GOLPH3: variants seen among roughly 807,000 people sequenced by gnomAD.
GOLPH3 encodes the protein golgi phosphoprotein 3.
In GOLPH3, 14 loss-of-function variants were observed where a neutral mutation model predicts 28.5. The ratio of observed to expected loss-of-function variants is 0.49; its 90% CI spans 0.32 to 0.77. The LOEUF is 0.77. Ranked by LOEUF, GOLPH3 falls within the 30% of genes least tolerant of loss-of-function variation. The pLI, the probability that GOLPH3 is intolerant of heterozygous loss-of-function variation, is 0.03. For missense variants in GOLPH3, 350 were observed against 393.7 expected (o/e 0.89, Z 0.94); for synonymous variants, 158 against 159.2 (o/e 0.99, Z 0.06).
intron 1 of GOLPH3, among the ~76,000 whole-genome samples, chr5:32,161,177 A>AG (rs796751421): frequency 9.4e-5 from 14 of 149,228 alleles, no homozygotes; most frequent in African/African-American, 3.5e-4. Context: ...ACGAGGAGGG[A>AG]GGATCACTTG....
chr5:32,151,672 C>A (rs997402493), intron 1 of GOLPH3, among the ~76,000 whole-genome samples: 1 of 151,916 alleles, frequency 6.6e-6, no homozygotes, highest in East Asian at 1.9e-4. Flanking sequence ...AAGAAACCCA[C>A]CTAATTCAAA....
intron 1 of GOLPH3, among the ~76,000 whole-genome samples, chr5:32,147,229 CAAA>C (rs902647823): frequency 2.3e-4 from 35 of 150,866 alleles, no homozygotes; most frequent in African/African-American, 8.0e-4. Flanking sequence ...AATCTAAAAG[CAAA>C]AAAAAGGGAA....
chr5:32,129,780 T>C (rs1207535775), intron 3 of GOLPH3, among the ~76,000 whole-genome samples: 1 of 151,512 alleles, frequency 6.6e-6, no homozygotes, highest in African/African-American at 2.4e-5. Flanking sequence ...ACAAAGTACA[T>C]AGGCAGCAGA....
intron 2 of GOLPH3, among the ~76,000 whole-genome samples, chr5:32,136,645 G>C (rs1333794815): frequency 6.6e-6 from 1 of 152,180 alleles, no homozygotes; most frequent in Non-Finnish European, 1.5e-5. Flanking sequence ...TAAGAATTCA[G>C]TACAGGCTGA....
At position 32,161,230 on chromosome 5, in the gene GOLPH3, C is replaced by T. The variant is rs567988070; in HGVS notation, c.225+12580G>A. 4.3e-4 allele frequency among the ~76,000 whole-genome samples: 64 copies of T among 150,570 alleles called. 6 individuals carry two copies. Among genetic ancestry groups the T allele is most frequent in the African/African-American group, 1.4e-3 (57 of 40,170 alleles). ...CCAACTTGGGCAACACAGCAAAACCCCATCTCTACAAAAAATACAAAAAGT... is the reference window on the plus strand; with the variant it reads ...CCAACTTGGGCAACACAGCAAAACCTCATCTCTACAAAAAATACAAAAAGT... On this transcript the variant is annotated intron_variant, in intron 1 of 3. Transcript: ENST00000265070.
At chr5:32,153,135 C>T (rs1049698905) in intron 1 of GOLPH3, among the ~76,000 whole-genome samples, 2 of 152,064 alleles carry the variant, frequency 1.3e-5, no homozygotes, top group African/African-American at 4.8e-5. Context: ...TAATGGAATA[C>T]TACAGAACCA....
rs77271883 is a variant in GOLPH3, at chr5:32,127,443, T to C, written c.473-807A>G. On this transcript the variant is annotated intron_variant, in intron 3 of 3. Coordinates refer to ENST00000265070, the MANE Select transcript of GOLPH3 (RefSeq NM_022130.4). The stretch of plus-strand genomic sequence containing the variant: ...ATCAACCACAGGCATCTTTTTTAAA[T>C]GCAAACGTTGTAAGGTCGAGATTTT... 3.0e-3 allele frequency among the ~76,000 whole-genome samples: 457 copies of C among 152,334 alleles called. 2 individuals carry two copies. The highest frequency in any genetic ancestry group is 0.011 in the African/African-American group (446 of 41,590).
At chr5:32,141,053 C>T (rs1362047853) in intron 2 of GOLPH3, among the ~76,000 whole-genome samples, 3 of 151,346 alleles carry the variant, frequency 2.0e-5, no homozygotes, top group African/African-American at 4.9e-5. Context: ...GTACCAGCTA[C>T]TTGGGAGGCT....
chr5:32,162,074 G>A (rs1746595830), intron 1 of GOLPH3, among the ~76,000 whole-genome samples: 1 of 151,228 alleles, frequency 6.6e-6, no homozygotes, highest in African/African-American at 2.5e-5. Context: ...AAAATCAGAA[G>A]TCAAGTGGTA....
intron 3 of GOLPH3, among the ~76,000 whole-genome samples, chr5:32,127,013 C>G (rs2111831300): frequency 6.6e-6 from 1 of 151,566 alleles, no homozygotes; most frequent in East Asian, 1.9e-4. Context: ...AACTAATAGA[C>G]TAAAAAAAAA....
Position 32,158,018 on chromosome 5 carries a change from TAAAATACAC to T in GOLPH3, c.226-14147_226-14139del, listed in dbSNP as rs1561678568. Reference sequence around the variant, plus strand: ...ATAAATAAATAAATAAATAAATAAATAAAATACACACACACACACACACACACACACACA... The same window carrying T: ...ATAAATAAATAAATAAATAAATAAATACACACACACACACACACACACACA... On this transcript the variant is annotated intron_variant, in intron 1 of 3. Coordinates refer to ENST00000265070, the MANE Select transcript of GOLPH3 (RefSeq NM_022130.4). Among the ~76,000 whole-genome samples the T allele has an allele frequency of 2.9e-3, 78 of 26,976 alleles. 8 individuals are homozygous for T. Among genetic ancestry groups the T allele is most frequent in the African/African-American group, 0.01 (76 of 7,306 alleles). 17.7% of individuals were successfully genotyped at this position (26,976 alleles called of 152,430 possible). A position where few individuals can be genotyped will look rare whatever the true frequency, so the allele number is the denominator to read the frequency against.
chr5:32,127,115 T>G (rs1745699423), intron 3 of GOLPH3, among the ~76,000 whole-genome samples: 1 of 152,222 alleles, frequency 6.6e-6, no homozygotes. Flanking sequence ...TATTATTTGA[T>G]AACAATATAA....
chr5:32,166,021 C>T (rs926522149), intron 1 of GOLPH3, among the ~76,000 whole-genome samples: 29 of 152,194 alleles, frequency 1.9e-4, no homozygotes, highest in Non-Finnish European at 4.1e-4. Flanking sequence ...TTTTAACCTT[C>T]CTGATTCACT....
intron 2 of GOLPH3, among the ~76,000 whole-genome samples, chr5:32,143,158 C>G (rs1746119007): frequency 6.6e-6 from 1 of 152,136 alleles, no homozygotes; most frequent in African/African-American, 2.4e-5. Flanking sequence ...TAAACCCAAC[C>G]CTGTGCTCTC....
chr5:32,126,269 A>G lies in GOLPH3; in HGVS notation c.840T>C (p.Cys280=). The G allele has an allele frequency of 6.2e-7, 1 of 1,614,150 alleles. No homozygotes were observed. Among genetic ancestry groups the G allele is most frequent in the Non-Finnish European group, 8.5e-7 (1 of 1,180,030 alleles). ...GAACCTCATTGGTGTTGGCCTTCAG[A>G]CATTCCACTTCAGGGTCTAAGTCGA... ...QLLDLDPEVE[C]LKANTNEVLW... Residue 280 remains cysteine (C), a synonymous_variant, in exon 4 of 4, where the codon TGT becomes TGC. Coordinates refer to ENST00000265070, the MANE Select transcript of GOLPH3 (RefSeq NM_022130.4).
intron 1 of GOLPH3, among the ~76,000 whole-genome samples, chr5:32,154,955 C>T (rs533136750): frequency 6.6e-6 from 1 of 152,064 alleles, no homozygotes; most frequent in Non-Finnish European, 1.5e-5. Flanking sequence ...TGGTGGCATG[C>T]GCCTGTAATC....
intron 1 of GOLPH3, among the ~76,000 whole-genome samples, chr5:32,173,146 A>G (rs1292908604): frequency 6.6e-6 from 1 of 152,292 alleles, no homozygotes; most frequent in Middle Eastern, 3.4e-3. Flanking sequence ...CAAGACTTTG[A>G]GATTCATCAA....
At position 32,174,118 on chromosome 5, in the gene GOLPH3, C is replaced by T. The variant is rs1561692449; in HGVS notation, c.-84G>A. ...TCCTCCTCCCCGCGCGGCCTCCGAT[C>T]CGGGTTTCCGTGTTAAATCCGGACG... On this transcript the variant is annotated 5_prime_UTR_variant, in exon 1 of 4. Coordinates refer to ENST00000265070, the MANE Select transcript of GOLPH3 (RefSeq NM_022130.4). 3 of 973,994 alleles carry T rather than the reference C, an allele frequency of 3.1e-6. No homozygotes were observed. Among genetic ancestry groups the T allele is most frequent in the East Asian group, 6.9e-5 (2 of 29,080 alleles). 60.3% of individuals were successfully genotyped at this position (973,994 alleles called of 1,614,324 possible).
At chr5:32,136,116 A>C (rs1745926384) in intron 2 of GOLPH3, among the ~76,000 whole-genome samples, 1 of 152,220 alleles carries the variant, frequency 6.6e-6, no homozygotes, top group African/African-American at 2.4e-5. Context: ...CAGAGGCTGC[A>C]GGAAGCCAAG....
Sources: gnomAD v4.1 joint callset for allele counts (sites outside exome capture counted in the v4.1 genomes callset) on GRCh38, gnomAD v4.1.1 for gene constraint, MANE v1.5 for transcripts, NCBI Gene and HGNC (gene_info 2026-07-23, HGNC 2026-07-21) for gene names.